PLGRKT: variants seen among roughly 807,000 people sequenced by gnomAD.
The protein encoded by PLGRKT is plasminogen receptor with a C-terminal lysine.
PLGRKT carries 22 observed loss-of-function variants against 18.5 expected under a neutral mutation model. The ratio of observed to expected loss-of-function variants is 1.19; its 90% CI spans 0.85 to 1.70. PLGRKT has a LOEUF of 1.70. Ranked by LOEUF, PLGRKT falls within the 40% of genes most tolerant of loss-of-function variation. The probability of loss-of-function intolerance (pLI) is 0.00; values close to 1 mark genes in which losing one functional copy is unlikely to be tolerated. For synonymous variants in PLGRKT, 72 were observed against 52.8 expected (o/e 1.36, Z -1.58); for missense variants, 235 against 174.4 (o/e 1.35, Z -1.96).
chr9:5,409,395 G>A lies in PLGRKT; in HGVS notation c.81+22502C>T, dbSNP rs138651487. Among the ~76,000 whole-genome samples, 146 of 152,326 alleles carry A rather than the reference G, an allele frequency of 9.6e-4. 1 individual carries two copies. The highest frequency in any genetic ancestry group is 3.4e-3 in the African/African-American group (140 of 41,576). On this transcript the variant is annotated intron_variant, in intron 3 of 5. Transcript: ENST00000223864. ...CTCCTGGCCTACATCTTTCTCCCGT[G>A]CTGGATGCTTCCTGACCTTGAACAT...
intron 3 of PLGRKT, among the ~76,000 whole-genome samples, chr9:5,410,950 T>G (rs564020819): frequency 6.6e-6 from 1 of 152,232 alleles, no homozygotes; most frequent in Non-Finnish European, 1.5e-5. Context: ...TTAATTGTTA[T>G]ATGGCTAAAC....
intron 3 of PLGRKT, among the ~76,000 whole-genome samples, chr9:5,398,112 GA>G (rs1438817875): frequency 6.6e-6 from 1 of 151,774 alleles, no homozygotes; most frequent in Non-Finnish European, 1.5e-5. Flanking sequence ...AGCAGACAAT[GA>G]ATAAGATCCC....
At chr9:5,438,306 A>G (rs1819002278), upstream of PLGRKT, among the ~76,000 whole-genome samples, 1 of 152,218 alleles carries the variant, frequency 6.6e-6, no homozygotes, top group Admixed American at 6.5e-5. Flanking sequence ...ATCTTGAATA[A>G]GCCACGTCTC....
At chr9:5,420,000 A>G (rs1178669135) in intron 3 of PLGRKT, among the ~76,000 whole-genome samples, 2 of 152,252 alleles carry the variant, frequency 1.3e-5, no homozygotes, top group Non-Finnish European at 2.9e-5. Context: ...GACTAGGTAA[A>G]CAAAATGTGG....
At position 5,364,321 on chromosome 9, in the gene PLGRKT, C is replaced by A. The variant is rs145200763; in HGVS notation, c.82-2433G>T. On this transcript the variant is annotated intron_variant, in intron 3 of 5. Coordinates refer to ENST00000223864, the MANE Select transcript of PLGRKT (RefSeq NM_018465.4). ...TCATATTTTTTTTCCCACAAAAGAT[C>A]AACCTGAGATATCAACCTGAAAGAG... 2.1e-3 allele frequency among the ~76,000 whole-genome samples: 313 copies of A among 152,220 alleles called. 2 individuals are homozygous for A. The highest frequency in any genetic ancestry group is 7.0e-3 in the African/African-American group (290 of 41,534).
chr9:5,377,817 T>C (rs769723463), intron 3 of PLGRKT, among the ~76,000 whole-genome samples: 42 of 152,120 alleles, frequency 2.8e-4, no homozygotes, highest in Non-Finnish European at 5.3e-4. Flanking sequence ...GGCAAATCTC[T>C]TGGGGGAAGC....
chr9:5,411,998 G>C (rs921315914), intron 3 of PLGRKT, among the ~76,000 whole-genome samples: 17 of 152,036 alleles, frequency 1.1e-4, no homozygotes, highest in African/African-American at 4.1e-4. Context: ...GATTATCCAA[G>C]AAAACATTGA....
intron 3 of PLGRKT, among the ~76,000 whole-genome samples, chr9:5,377,901 G>C (rs1817662047): frequency 6.6e-6 from 1 of 152,142 alleles, no homozygotes; most frequent in African/African-American, 2.4e-5. Flanking sequence ...CAGCAGACAA[G>C]AAAGAAAGAA....
intron 3 of PLGRKT, among the ~76,000 whole-genome samples, chr9:5,379,541 G>C (rs1246188674): frequency 2.6e-5 from 4 of 152,030 alleles, no homozygotes; most frequent in Admixed American, 2.6e-4. Context: ...AATATAAACT[G>C]ATACTTTCAG....
intron 3 of PLGRKT, among the ~76,000 whole-genome samples, chr9:5,364,495 A>G (rs1400653582): frequency 6.6e-6 from 1 of 152,228 alleles, no homozygotes; most frequent in Non-Finnish European, 1.5e-5. Flanking sequence ...CTTAGTGCAT[A>G]CAAATTTTAC....
At chr9:5,373,723 G>C (rs968220351) in intron 3 of PLGRKT, among the ~76,000 whole-genome samples, 3 of 152,080 alleles carry the variant, frequency 2.0e-5, no homozygotes, top group Non-Finnish European at 4.4e-5. Flanking sequence ...ACTTGAGCCT[G>C]GCATGTCGAG....
chr9:5,380,582 C>G (rs1362927295), intron 3 of PLGRKT, among the ~76,000 whole-genome samples: 1 of 152,112 alleles, frequency 6.6e-6, no homozygotes, highest in Non-Finnish European at 1.5e-5. Flanking sequence ...GCTTCACCCC[C>G]TAAACACCCT....
At chr9:5,428,982 G>T (rs1326455815) in intron 3 of PLGRKT, among the ~76,000 whole-genome samples, 1 of 152,190 alleles carries the variant, frequency 6.6e-6, no homozygotes, top group African/African-American at 2.4e-5. Context: ...GATTACAGGT[G>T]TGAGTCATCA....
At chr9:5,363,346 A>T (rs1268183720) in intron 3 of PLGRKT, among the ~76,000 whole-genome samples, 1 of 151,550 alleles carries the variant, frequency 6.6e-6, no homozygotes, top group Non-Finnish European at 1.5e-5. Context: ...ATCCTCTGGG[A>T]TCCAGTGGCC....
In PLGRKT at chr9:5,418,347, G is replaced by A; in HGVS notation, c.81+13550C>T. Reference sequence around the variant, plus strand: ...TCAACCCCTAAGTTGGCACCCACAAGAGACTTCCCTGCAGCCCTCTCCAGC... The same window carrying A: ...TCAACCCCTAAGTTGGCACCCACAAAAGACTTCCCTGCAGCCCTCTCCAGC... On this transcript the variant is annotated intron_variant, in intron 3 of 5. Transcript: ENST00000223864. This position sits in a 1 kb window ranked among gnomAD's most constrained non-coding sequence, Gnocchi z 4.2. The A allele has an allele frequency of 1.5e-6, 1 of 674,770 alleles. No homozygotes were observed. The highest frequency in any genetic ancestry group is 2.7e-6 in the Non-Finnish European group (1 of 372,400). 41.8% of individuals were successfully genotyped at this position (674,770 alleles called of 1,614,324 possible).
At chr9:5,390,864 A>G (rs991953027) in intron 3 of PLGRKT, among the ~76,000 whole-genome samples, 3 of 151,984 alleles carry the variant, frequency 2.0e-5, no homozygotes, top group Non-Finnish European at 4.4e-5. Flanking sequence ...TCAAAACACA[A>G]AATGACTAAA....
At chr9:5,371,706 T>C (rs1817520017) in intron 3 of PLGRKT, among the ~76,000 whole-genome samples, 1 of 152,178 alleles carries the variant, frequency 6.6e-6, no homozygotes, top group South Asian at 2.1e-4. Flanking sequence ...TAACAGTGTC[T>C]GGTAAGTTAT....
At chr9:5,364,772 A>T (rs952005171) in intron 3 of PLGRKT, among the ~76,000 whole-genome samples, 1 of 152,214 alleles carries the variant, frequency 6.6e-6, no homozygotes, top group African/African-American at 2.4e-5. Flanking sequence ...ACTGGAGATG[A>T]GCAACAAGTA....
chr9:5,388,075 T>C (rs1316599342), intron 3 of PLGRKT, among the ~76,000 whole-genome samples: 2 of 151,866 alleles, frequency 1.3e-5, no homozygotes, highest in Non-Finnish European at 2.9e-5. Context: ...TTTGAAGGCA[T>C]CAGTTATGCG....
Sources: allele counts gnomAD v4.1 joint callset (sites outside exome capture counted in the v4.1 genomes callset), GRCh38; gene constraint gnomAD v4.1.1; non-coding constraint Gnocchi (gnomAD v3.1); transcripts MANE v1.5; gene names NCBI Gene and HGNC (gene_info 2026-07-23, HGNC 2026-07-21).